Variants in SLC5A4 observed in about 807,000 individuals in gnomAD.
SLC5A4 encodes the protein probable glucose sensor protein SLC5A4.
SLC5A4 carries 55 observed loss-of-function variants against 70.3 expected under a neutral mutation model. The ratio of observed to expected loss-of-function variants is 0.78; its 90% CI spans 0.63 to 0.98. The LOEUF (loss-of-function observed/expected upper bound fraction) is 0.98. SLC5A4 is among the 50% of genes least tolerant of loss of function. SLC5A4 has a pLI of 0.00. For synonymous variants in SLC5A4, 268 were observed against 305.7 expected (o/e 0.88, Z 1.29); for missense variants, 735 against 839.2 (o/e 0.88, Z 1.53).
chr22:32,337,707 C>CT, the SLC5A4 span, among the ~76,000 whole-genome samples: 6 of 152,098 alleles, frequency 3.9e-5, no homozygotes, highest in African/African-American at 1.4e-4. Context: ...GGAGAAAACT[C>CT]TGATTTGTAG....
chr22:32,236,049 A>G (rs1393263353), intron 7 of SLC5A4, among the ~76,000 whole-genome samples: 1 of 152,214 alleles, frequency 6.6e-6, no homozygotes, highest in African/African-American at 2.4e-5. Flanking sequence ...ATTGAGGCTT[A>G]GAGACCCTAA....
chr22:32,348,820 GA>G, the SLC5A4 span, among the ~76,000 whole-genome samples: 2 of 152,040 alleles, frequency 1.3e-5, no homozygotes, highest in Non-Finnish European at 2.9e-5. Context: ...TTAATTTATG[GA>G]AGAACTAAAT....
chr22:32,300,009 C>T, the SLC5A4 span, among the ~76,000 whole-genome samples: 26,534 of 114,716 alleles, frequency 0.23, 3,320 homozygotes, highest in Admixed American at 0.29. Flanking sequence ...GCAGTCTGCC[C>T]GTTCTCAGAT....
chr22:32,310,813 T>C, the SLC5A4 span, among the ~76,000 whole-genome samples: 1 of 152,182 alleles, frequency 6.6e-6, no homozygotes, highest in Non-Finnish European at 1.5e-5. Context: ...CCAGGGAGAA[T>C]GGAGGATGCT....
chr22:32,329,613 GCTCTGGTGTGTGTGTTGGA>G, the SLC5A4 span, among the ~76,000 whole-genome samples: 4 of 129,216 alleles, frequency 3.1e-5, no homozygotes, highest in Non-Finnish European at 3.3e-5. Flanking sequence ...GTGTGTGTTG[GCTCTGGTGTGTGTGTTGGA>G]GGGCTCTGGG....
At chr22:32,334,764 G>A in the SLC5A4 span, among the ~76,000 whole-genome samples, 8 of 152,218 alleles carry the variant, frequency 5.3e-5, no homozygotes, top group African/African-American at 1.4e-4. Flanking sequence ...TCCAGTAAGC[G>A]TACACACTGA....
chr22:32,345,000 AC>A, the SLC5A4 span, among the ~76,000 whole-genome samples: 4 of 152,180 alleles, frequency 2.6e-5, no homozygotes, highest in African/African-American at 9.6e-5. Context: ...AGGCTTACAT[AC>A]TTTAGTAGCT....
chr22:32,313,669 A>G, the SLC5A4 span, among the ~76,000 whole-genome samples: 4 of 152,220 alleles, frequency 2.6e-5, no homozygotes, highest in African/African-American at 4.8e-5. Context: ...GGCAGGCAGC[A>G]TGAACCCCAC....
chr22:32,258,308 G>A (rs1299101232), upstream of SLC5A4, among the ~76,000 whole-genome samples: 4 of 151,924 alleles, frequency 2.6e-5, no homozygotes, highest in Non-Finnish European at 5.9e-5. Flanking sequence ...ACTTATTCTG[G>A]CTGGGACTTC....
chr22:32,249,403 C>T (rs749852790), intron 3 of SLC5A4, among the ~76,000 whole-genome samples: 3 of 152,162 alleles, frequency 2.0e-5, no homozygotes, highest in East Asian at 1.9e-4. Context: ...GCAGCCTGCT[C>T]ATCACACCCA....
chr22:32,303,494 CAT>C, the SLC5A4 span, among the ~76,000 whole-genome samples: 2 of 152,190 alleles, frequency 1.3e-5, no homozygotes, highest in African/African-American at 4.8e-5. Flanking sequence ...GCATTTGTCT[CAT>C]GTGAGCAGAA....
chr22:32,247,065 G>T (rs902382236), intron 5 of SLC5A4, among the ~76,000 whole-genome samples: 3 of 152,174 alleles, frequency 2.0e-5, no homozygotes, highest in Non-Finnish European at 2.9e-5. Flanking sequence ...CAATGGAAAA[G>T]GCAGGCGACC....
At chr22:32,269,532 T>A in the SLC5A4 span, 1 of 615,132 alleles carries the variant, frequency 1.6e-6, no homozygotes, top group Non-Finnish European at 3.2e-6. This position sits in a 1 kb window ranked among gnomAD's most constrained non-coding sequence, Gnocchi z 4.1. Context: ...TGCTCCATCG[T>A]GGCCATCTTG....
the SLC5A4 span, among the ~76,000 whole-genome samples, chr22:32,335,896 C>G: frequency 3.3e-5 from 5 of 152,204 alleles, no homozygotes; most frequent in Non-Finnish European, 7.3e-5. Context: ...CATCCTCCAG[C>G]CCACGGGCAA....
intron 5 of SLC5A4, 86 bp downstream of exon 5, chr22:32,247,325 C>T: frequency 1.3e-6 from 1 of 784,824 alleles, no homozygotes; most frequent in South Asian, 1.4e-5. Context: ...TGTTGACAGT[C>T]TACACATCCA....
the SLC5A4 span, among the ~76,000 whole-genome samples, chr22:32,335,713 C>T: frequency 1.3e-5 from 2 of 152,212 alleles, no homozygotes; most frequent in Admixed American, 1.3e-4. Flanking sequence ...CTGCAGCACC[C>T]AGCGATTCCT....
At chr22:32,335,516 C>G in the SLC5A4 span, among the ~76,000 whole-genome samples, 1 of 152,094 alleles carries the variant, frequency 6.6e-6, no homozygotes, top group Non-Finnish European at 1.5e-5. Context: ...GGAGCTAGGC[C>G]CTCCCCACAT....
the SLC5A4 span, among the ~76,000 whole-genome samples, chr22:32,311,213 T>G: frequency 6.6e-6 from 1 of 152,172 alleles, no homozygotes; most frequent in Non-Finnish European, 1.5e-5. Context: ...CTTCACTGTA[T>G]TCCCGCCCCA....
At chr22:32,285,758 A>G in the SLC5A4 span, among the ~76,000 whole-genome samples, 3 of 143,138 alleles carry the variant, frequency 2.1e-5, no homozygotes, top group African/African-American at 5.2e-5. Context: ...TTTTTTTGAG[A>G]TGGAGTCTCA....
Sources: allele counts gnomAD v4.1 joint callset (sites outside exome capture counted in the v4.1 genomes callset), GRCh38; gene constraint gnomAD v4.1.1; non-coding constraint Gnocchi (gnomAD v3.1); transcripts MANE v1.5; gene names NCBI Gene and HGNC (gene_info 2026-07-23, HGNC 2026-07-21).